The following SLC35D1 variants were observed in gnomAD, a reference collection of about 807,000 sequenced individuals.
SLC35D1 encodes the protein nucleotide sugar transporter SLC35D1.
A neutral mutation model predicts 46.7 loss-of-function variants in SLC35D1; 31 were observed. The observed-to-expected ratio is 0.66, with a 90% CI of 0.50 to 0.90. The LOEUF (loss-of-function observed/expected upper bound fraction) is 0.90, where lower values mean the gene tolerates loss of function less well. Ranked by LOEUF, SLC35D1 falls within the 40% of genes least tolerant of loss-of-function variation. The pLI, the probability that SLC35D1 is intolerant of heterozygous loss-of-function variation, is 0.00. For missense variants in SLC35D1, 397 were observed against 426.2 expected (o/e 0.93, Z 0.60); for synonymous variants, 195 against 164.6 (o/e 1.18, Z -1.41).
At position 67,004,150 on chromosome 1, in the gene SLC35D1, A is replaced by G; in HGVS notation, c.*190T>C. ...AAATTAATTCAAACAACATATTTAA[A>G]ATAGAGTCAATTATAAGTTTCTCTC... On this transcript the variant is annotated 3_prime_UTR_variant, in exon 12 of 12. Coordinates refer to ENST00000235345, the MANE Select transcript of SLC35D1 (RefSeq NM_015139.3). 1 of 595,292 alleles carries G rather than the reference A, an allele frequency of 1.7e-6. No homozygotes were observed. Among genetic ancestry groups the G allele is most frequent in the Non-Finnish European group, 3.0e-6 (1 of 330,886 alleles). 36.9% of individuals were successfully genotyped at this position (595,292 alleles called of 1,614,324 possible).
chr1:67,028,407 G>A (rs1260322075), intron 8 of SLC35D1, among the ~76,000 whole-genome samples: 1 of 152,142 alleles, frequency 6.6e-6, no homozygotes, highest in Non-Finnish European at 1.5e-5. Context: ...CAGTTTCACT[G>A]TTTTATCAAT....
intron 7 of SLC35D1, among the ~76,000 whole-genome samples, chr1:67,046,736 G>A (rs1645256043): frequency 6.6e-6 from 1 of 152,136 alleles, no homozygotes. Context: ...TATATTTAAA[G>A]TATATAGTAA....
chr1:67,019,116 T>C (rs1224486191), intron 10 of SLC35D1, among the ~76,000 whole-genome samples: 1 of 152,210 alleles, frequency 6.6e-6, no homozygotes, highest in African/African-American at 2.4e-5. Flanking sequence ...ATGTTGATAA[T>C]GATAAAGTAC....
At chr1:67,034,905 CATCA>C (rs1232261793) in intron 8 of SLC35D1, among the ~76,000 whole-genome samples, 1 of 151,918 alleles carries the variant, frequency 6.6e-6, no homozygotes, top group Admixed American at 6.6e-5. Flanking sequence ...TTTTTTCCAC[CATCA>C]ATCAATCGAA....
the SLC35D1 span, chr1:66,987,222 G>T: frequency 6.6e-6 from 1 of 152,608 alleles, no homozygotes. Flanking sequence ...ACAATAATTT[G>T]TTCTTAATGC....
At chr1:67,041,685 T>C (rs932963276) in intron 8 of SLC35D1, among the ~76,000 whole-genome samples, 4 of 152,200 alleles carry the variant, frequency 2.6e-5, no homozygotes, top group African/African-American at 9.6e-5. Flanking sequence ...CTATGCTGTA[T>C]TTATTTAGCT....
At chr1:67,048,598 T>C (rs377146555) in intron 6 of SLC35D1, among the ~76,000 whole-genome samples, 4 of 152,326 alleles carry the variant, frequency 2.6e-5, no homozygotes, top group African/African-American at 7.2e-5. Context: ...CTTCCACCTA[T>C]ACTACAGGAA....
chr1:67,035,415 A>C (rs1323817222), intron 8 of SLC35D1, among the ~76,000 whole-genome samples: 1 of 152,112 alleles, frequency 6.6e-6, no homozygotes, highest in Admixed American at 6.6e-5. Flanking sequence ...ACATGATTCA[A>C]TCTTGGTAGG....
At chr1:66,978,620 TAGGGAA>T in the SLC35D1 span, among the ~76,000 whole-genome samples, 3 of 152,218 alleles carry the variant, frequency 2.0e-5, no homozygotes, top group African/African-American at 7.2e-5. Flanking sequence ...AGGTATTATA[TAGGGAA>T]AAGCAATAGT....
chr1:66,981,154 C>T, the SLC35D1 span, among the ~76,000 whole-genome samples: 39 of 152,196 alleles, frequency 2.6e-4, 1 homozygote, highest in South Asian at 7.7e-3. Flanking sequence ...ATCTCTATCC[C>T]AGATCTGCTC....
Position 67,001,471 on chromosome 1 carries a change from G to A in SLC35D1, c.*2869C>T, listed in dbSNP as rs1667339800. On this transcript the variant is annotated 3_prime_UTR_variant, in exon 12 of 12. Coordinates refer to ENST00000235345, the MANE Select transcript of SLC35D1 (RefSeq NM_015139.3). ...ATCCATTTAGCCTTGACTAGAAGCA[G>A]ATTGGCCAAAGAGGGTCTCACTTAC... The A allele has an allele frequency of 6.6e-6, 1 of 152,328 alleles. No homozygotes were observed. The allele number at this position is 152,328 out of a possible 1,614,324, so 9.4% of individuals were successfully genotyped here. A position where few individuals can be genotyped will look rare whatever the true frequency, so the allele number is the denominator to read the frequency against.
chr1:67,013,450 G>A (rs1163693537), intron 10 of SLC35D1, among the ~76,000 whole-genome samples: 1 of 151,862 alleles, frequency 6.6e-6, no homozygotes, highest in Non-Finnish European at 1.5e-5. Flanking sequence ...AGTTACTCAG[G>A]AGGCTAAGAT....
chr1:66,989,533 GCTCACTGCAGCCTTGAC>G, the SLC35D1 span, among the ~76,000 whole-genome samples: 1 of 152,196 alleles, frequency 6.6e-6, no homozygotes, highest in Admixed American at 6.5e-5. Flanking sequence ...CAAGATCATG[GCTCACTGCAGCCTTGAC>G]CTCCTTGGGC....
intron 10 of SLC35D1, among the ~76,000 whole-genome samples, chr1:67,013,755 G>C (rs965581834): frequency 6.6e-6 from 1 of 152,140 alleles, no homozygotes; most frequent in Non-Finnish European, 1.5e-5. Context: ...GATGAGTGGT[G>C]AGTCATCACC....
At chr1:66,978,002 G>C in the SLC35D1 span, among the ~76,000 whole-genome samples, 1 of 152,044 alleles carries the variant, frequency 6.6e-6, no homozygotes, top group South Asian at 2.1e-4. Context: ...TTTGAGACCA[G>C]CCTGACAAAC....
intron 11 of SLC35D1, 96 bp from the exon 12 acceptor site, chr1:67,004,544 G>A (rs755479962): frequency 2.5e-5 from 24 of 964,104 alleles, no homozygotes; most frequent in Non-Finnish European, 3.8e-5. Context: ...AAAATTAGAT[G>A]AAGAGTAAAG....
the SLC35D1 span, among the ~76,000 whole-genome samples, chr1:66,989,326 C>CTGAA: frequency 2.0e-5 from 3 of 152,154 alleles, no homozygotes; most frequent in African/African-American, 7.2e-5. Flanking sequence ...GAATGGTTGA[C>CTGAA]TGAATGTAGA....
the SLC35D1 span, among the ~76,000 whole-genome samples, chr1:66,980,052 C>T: frequency 2.6e-5 from 4 of 152,222 alleles, no homozygotes; most frequent in East Asian, 3.8e-4. Flanking sequence ...GCGTGAGCCA[C>T]CACACCCGGC....
At position 67,000,420 on chromosome 1, in the gene SLC35D1, T is replaced by C. The variant is rs1234461575; in HGVS notation, c.*3920A>G. On this transcript the variant is annotated 3_prime_UTR_variant, in exon 12 of 12. Coordinates refer to ENST00000235345, the MANE Select transcript of SLC35D1 (RefSeq NM_015139.3). ...AAAATAGGTAGAATCACCTGCATCA[T>C]GTAATGGCCGTAATTGTGTCCAGCA... The C allele has an allele frequency of 1.3e-5, 2 of 152,026 alleles. No homozygotes were observed. The highest frequency in any genetic ancestry group is 6.6e-5 in the Admixed American group (1 of 15,232). The allele number at this position is 152,026 out of a possible 1,614,324, so 9.4% of individuals were successfully genotyped here.
Sources: allele counts gnomAD v4.1 joint callset (sites outside exome capture counted in the v4.1 genomes callset), GRCh38; gene constraint gnomAD v4.1.1; transcripts MANE v1.5; gene names NCBI Gene and HGNC (gene_info 2026-07-23, HGNC 2026-07-21).